Variants in IL1RAP observed in about 807,000 individuals in gnomAD.
The protein encoded by IL1RAP is interleukin-1 receptor accessory protein.
Under a neutral mutation model 60.7 loss-of-function variants are expected in IL1RAP, and 35 were observed. The observed-to-expected ratio is 0.58, with a 90% CI of 0.44 to 0.76. The LOEUF (loss-of-function observed/expected upper bound fraction) is 0.76, where lower values mean the gene tolerates loss of function less well. IL1RAP is among the 30% of genes least tolerant of loss of function. IL1RAP has a pLI of 0.00. For synonymous variants in IL1RAP, 268 were observed against 250.9 expected (o/e 1.07, Z -0.64); for missense variants, 572 against 693.9 (o/e 0.82, Z 1.97).
At chr3:190,537,758 C>G (rs958772883) in intron 1 of IL1RAP, among the ~76,000 whole-genome samples, 1 of 152,078 alleles carries the variant, frequency 6.6e-6, no homozygotes, top group African/African-American at 2.4e-5. Flanking sequence ...ATGTGCCTAT[C>G]TTTTTGGCGA....
intron 1 of IL1RAP, among the ~76,000 whole-genome samples, chr3:190,548,034 G>C (rs1724535946): frequency 6.6e-6 from 1 of 152,130 alleles, no homozygotes; most frequent in Non-Finnish European, 1.5e-5. Flanking sequence ...TTTTCTGAAA[G>C]AATTGGGGGA....
chr3:190,629,746 G>A (rs1732624110), intron 9 of IL1RAP: 1 of 1,187,142 alleles, frequency 8.4e-7, no homozygotes, highest in Middle Eastern at 3.4e-4. Context: ...CGTGAGTACA[G>A]TGAGACACAA....
At chr3:190,520,792 CT>C (rs1488217786) in intron 1 of IL1RAP, among the ~76,000 whole-genome samples, 2 of 152,210 alleles carry the variant, frequency 1.3e-5, no homozygotes. Context: ...GATTACACGG[CT>C]TCCTCCTCTG....
chr3:190,583,909 A>G (rs1002958267), intron 3 of IL1RAP, among the ~76,000 whole-genome samples: 11 of 152,176 alleles, frequency 7.2e-5, no homozygotes, highest in Admixed American at 2.0e-4. Flanking sequence ...ACTCTTATTT[A>G]CATATGGTCA....
At position 190,532,438 on chromosome 3, in the gene IL1RAP, A is replaced by G. The variant is rs59730761; in HGVS notation, c.-89+18219A>G. Among the ~76,000 whole-genome samples the G allele has an allele frequency of 3.2e-4, 49 of 151,696 alleles. No individual in the cohort carries two copies. In the East Asian group the frequency reaches 9.5e-3, roughly 30 times the overall value. The stretch of plus-strand genomic sequence containing the variant: ...CCACCACGCCCTGCTAATTTTTTGT[A>G]TTTTTAGTAGAGACGGGGTTTCACC... On this transcript the variant is annotated intron_variant, in intron 1 of 11. Coordinates refer to ENST00000447382, the MANE Select transcript of IL1RAP (RefSeq NM_002182.4).
chr3:190,628,796 A>C (rs1465932867), intron 8 of IL1RAP, among the ~76,000 whole-genome samples: 1 of 152,226 alleles, frequency 6.6e-6, no homozygotes, highest in Non-Finnish European at 1.5e-5. Flanking sequence ...TAACAGTAAT[A>C]CCTACATGAA....
chr3:190,520,105 A>G (rs149121186), intron 1 of IL1RAP, among the ~76,000 whole-genome samples: 194 of 152,262 alleles, frequency 1.3e-3, no homozygotes, highest in African/African-American at 4.2e-3. Context: ...CAGCTGGTCT[A>G]AGAGAATGTG....
At chr3:190,560,364 A>C (rs1288399257) in intron 2 of IL1RAP, among the ~76,000 whole-genome samples, 2 of 152,226 alleles carry the variant, frequency 1.3e-5, no homozygotes, top group Non-Finnish European at 2.9e-5. Flanking sequence ...CGTAGTTTTC[A>C]GTGGGCAGGT....
chr3:190,600,829 A>G (rs1004226467), intron 3 of IL1RAP, among the ~76,000 whole-genome samples: 18 of 152,198 alleles, frequency 1.2e-4, no homozygotes, highest in Non-Finnish European at 2.4e-4. Flanking sequence ...CCTGAACTAC[A>G]GATTGGTTTG....
intron 8 of IL1RAP, among the ~76,000 whole-genome samples, chr3:190,627,935 G>A (rs1732452603): frequency 6.7e-6 from 1 of 150,370 alleles, no homozygotes; most frequent in Non-Finnish European, 1.5e-5. Context: ...TTTTTGCATT[G>A]CAGTGAGCAT....
Position 190,649,784 on chromosome 3 carries a change from A to G in IL1RAP, c.*1079A>G, listed in dbSNP as rs1734281603. 1.0e-6 allele frequency: 1 copy of G among 985,294 alleles called. No individual in the cohort carries two copies. Among genetic ancestry groups the G allele is most frequent in the Admixed American group, 6.2e-5 (1 of 16,252 alleles). The allele number at this position is 985,294 out of a possible 1,614,324, so 61.0% of individuals were successfully genotyped here. A position where few individuals can be genotyped will look rare whatever the true frequency, so the allele number is the denominator to read the frequency against. ...CCTGTCACCTATTCACTAGTGCAGG[A>G]AATATACTTGCTCCAAATAAGTCAG... On this transcript the variant is annotated 3_prime_UTR_variant, in exon 12 of 12. Transcript: ENST00000447382.
Position 190,624,862 on chromosome 3 carries a change from A to C in IL1RAP, c.775+1447A>C, listed in dbSNP as rs187419102. 3.3e-3 allele frequency: 531 copies of C among 163,056 alleles called. 8 individuals are homozygous for C. Among genetic ancestry groups the C allele is most frequent in the African/African-American group, 0.012 (493 of 41,686 alleles). 10.1% of individuals were successfully genotyped at this position (163,056 alleles called of 1,614,324 possible). On this transcript the variant is annotated intron_variant, in intron 7 of 11. Coordinates refer to ENST00000447382, the MANE Select transcript of IL1RAP (RefSeq NM_002182.4). ...TGGGCCCTATCTAAAGGGTCCCTGA[A>C]GTCTTCAGCTCACTTTCCTTAAGCC...
chr3:190,527,494 G>T (rs1295836868), intron 1 of IL1RAP, among the ~76,000 whole-genome samples: 1 of 152,114 alleles, frequency 6.6e-6, no homozygotes, highest in Non-Finnish European at 1.5e-5. Context: ...GAGTCTCCAG[G>T]GACCTCCCCT....
At chr3:190,544,961 A>G (rs1158572220) in intron 1 of IL1RAP, among the ~76,000 whole-genome samples, 1 of 152,240 alleles carries the variant, frequency 6.6e-6, no homozygotes, top group African/African-American at 2.4e-5. Flanking sequence ...TGTGGCCTTC[A>G]GAGGGTCTAA....
intron 3 of IL1RAP, among the ~76,000 whole-genome samples, chr3:190,599,242 T>C (rs958604589): frequency 6.6e-6 from 1 of 152,172 alleles, no homozygotes; most frequent in African/African-American, 2.4e-5. Context: ...TTCTCTATTA[T>C]TGTTTTATTC....
chr3:190,618,283 A>C (rs1218989382), intron 5 of IL1RAP, among the ~76,000 whole-genome samples: 5 of 152,232 alleles, frequency 3.3e-5, no homozygotes, highest in African/African-American at 1.2e-4. Context: ...TCATTCATCT[A>C]TAAAACGGAG....
intron 1 of IL1RAP, among the ~76,000 whole-genome samples, chr3:190,528,711 T>C (rs1722719306): frequency 6.6e-6 from 1 of 152,208 alleles, no homozygotes; most frequent in Non-Finnish European, 1.5e-5. Context: ...GAATACATAA[T>C]GTACTTTGAA....
intron 1 of IL1RAP, among the ~76,000 whole-genome samples, chr3:190,543,472 A>G (rs1560154125): frequency 6.6e-6 from 1 of 152,178 alleles, no homozygotes; most frequent in Non-Finnish European, 1.5e-5. Flanking sequence ...CACTTATTTA[A>G]TAGTACAAGA....
At chr3:190,589,610 G>T (rs1217578403) in intron 3 of IL1RAP, among the ~76,000 whole-genome samples, 2 of 152,134 alleles carry the variant, frequency 1.3e-5, no homozygotes, top group African/African-American at 4.8e-5. Context: ...TGCTGGGGAG[G>T]TTGCTGACAA....
Sources: allele counts gnomAD v4.1 joint callset (sites outside exome capture counted in the v4.1 genomes callset), GRCh38; gene constraint gnomAD v4.1.1; transcripts MANE v1.5; gene names NCBI Gene and HGNC (gene_info 2026-07-23, HGNC 2026-07-21).